Variants in EPS15L1 observed in about 807,000 individuals in gnomAD.
EPS15L1 encodes epidermal growth factor receptor substrate 15-like 1.
Under a neutral mutation model 117.1 loss-of-function variants are expected in EPS15L1, and 43 were observed. The observed-to-expected ratio is 0.37, with a 90% CI of 0.29 to 0.47. The LOEUF is 0.47. Among genes scored for constraint, EPS15L1 ranks in the 20% least tolerant of loss-of-function variants. The probability of loss-of-function intolerance (pLI) is 0.99; values close to 1 mark genes in which losing one functional copy is unlikely to be tolerated. For missense variants in EPS15L1, 981 were observed against 1,164.0 expected (o/e 0.84, Z 2.29); for synonymous variants, 459 against 470.5 (o/e 0.98, Z 0.32).
At chr19:16,382,850 G>C (rs2092378212) in intron 21 of EPS15L1, 2 of 152,088 alleles carry the variant, frequency 1.3e-5, no homozygotes, top group African/African-American at 4.8e-5. Context: ...GCTGTGGGCT[G>C]TGACTCTCCT....
intron 1 of EPS15L1, among the ~76,000 whole-genome samples, chr19:16,453,295 G>C (rs1286501626): frequency 1.3e-5 from 2 of 152,050 alleles, no homozygotes; most frequent in Non-Finnish European, 2.9e-5. Flanking sequence ...TGTAGAGACG[G>C]GGTCTTGCTT....
intron 1 of EPS15L1, among the ~76,000 whole-genome samples, chr19:16,454,020 C>G (rs1013681360): frequency 2.0e-5 from 3 of 152,158 alleles, no homozygotes; most frequent in African/African-American, 7.2e-5. Context: ...ACAATACAAA[C>G]TGGCATTCCT....
chr19:16,358,559 C>T (rs977324108), intron 23 of EPS15L1, among the ~76,000 whole-genome samples: 1 of 152,210 alleles, frequency 6.6e-6, no homozygotes, highest in Admixed American at 6.5e-5. Flanking sequence ...TGACACCACC[C>T]TAGCCGAGGC....
intron 22 of EPS15L1, among the ~76,000 whole-genome samples, chr19:16,368,631 A>C (rs2092173906): frequency 1.3e-5 from 2 of 151,774 alleles, no homozygotes; most frequent in Admixed American, 6.6e-5. Context: ...CCTACACAAC[A>C]CAGGCACCCA....
At chr19:16,444,439 G>A (rs1055611519) in intron 1 of EPS15L1, among the ~76,000 whole-genome samples, 4 of 152,212 alleles carry the variant, frequency 2.6e-5, no homozygotes, top group Non-Finnish European at 5.9e-5. Context: ...TTACAACCTC[G>A]TTAGATGACA....
chr19:16,377,165 C>T lies in EPS15L1; in HGVS notation c.2337G>A (p.Leu779=). ...PFKSKQDTPA[L]PPKKPAPPRP... ...GTGGAGGAGCAGGTTTCTTCGGAGG[C>T]AGAGCAGGAGTGTCCTGTTTACTTT... Residue 779 remains leucine, a synonymous_variant, in exon 22 of 24, where the codon CTG becomes CTA. Coordinates refer to ENST00000455140, the MANE Select transcript of EPS15L1 (RefSeq NM_001258374.3). 6.2e-7 allele frequency: 1 copy of T among 1,609,236 alleles called. No individual in the cohort carries two copies. The highest frequency in any genetic ancestry group is 8.5e-7 in the Non-Finnish European group (1 of 1,177,966).
At chr19:16,412,993 G>T in intron 13 of EPS15L1, 1 of 685,014 alleles carries the variant, frequency 1.5e-6, no homozygotes, top group Non-Finnish European at 2.7e-6. Flanking sequence ...TGCCTGGGGG[G>T]CTCTCTCAAG....
intron 22 of EPS15L1, among the ~76,000 whole-genome samples, chr19:16,367,769 A>C (rs1270918310): frequency 1.3e-5 from 2 of 151,104 alleles, no homozygotes; most frequent in Non-Finnish European, 2.9e-5. Flanking sequence ...AAAAAAAAAA[A>C]AAACCCAAAA....
At chr19:16,460,700 G>A (rs10423248) in intron 1 of EPS15L1, among the ~76,000 whole-genome samples, 21,105 of 152,162 alleles carry the variant, frequency 0.14, 1,514 homozygotes, top group African/African-American at 0.15. Context: ...GGGGTGCCGC[G>A]GGCACAGAGC....
chr19:16,406,043 G>T (rs1237647403), intron 13 of EPS15L1, among the ~76,000 whole-genome samples: 1 of 152,128 alleles, frequency 6.6e-6, no homozygotes, highest in Non-Finnish European at 1.5e-5. Flanking sequence ...AGAATGGAGA[G>T]GAGGGGTGGG....
chr19:16,417,000 T>C (rs953373870), intron 12 of EPS15L1, among the ~76,000 whole-genome samples: 3 of 152,110 alleles, frequency 2.0e-5, no homozygotes, highest in African/African-American at 7.2e-5. Flanking sequence ...AGCTGCTGGG[T>C]CCTAAGCCCG....
intron 6 of EPS15L1, among the ~76,000 whole-genome samples, chr19:16,436,435 A>C (rs2092979218): frequency 6.6e-6 from 1 of 152,186 alleles, no homozygotes; most frequent in South Asian, 2.1e-4. Context: ...CTGTTTTAAA[A>C]ATAACACTTC....
intron 22 of EPS15L1, among the ~76,000 whole-genome samples, chr19:16,376,829 G>A (rs906764541): frequency 1.3e-5 from 2 of 152,242 alleles, no homozygotes; most frequent in African/African-American, 2.4e-5. Context: ...GAGGCCGCAC[G>A]AAGCGCCCCC....
At position 16,404,268 on chromosome 19, in the gene EPS15L1, C is replaced by G. The variant is rs569501962; in HGVS notation, c.1428+320G>C. Among the ~76,000 whole-genome samples the G allele has an allele frequency of 3.3e-5, 5 of 152,300 alleles. No homozygotes were observed. The highest frequency in any genetic ancestry group is 3.3e-4 in the Admixed American group (5 of 15,304). Reference sequence around the variant, plus strand: ...AGCCTCCGGGATCTGTGAGGAGCCTCAGAGACACCTGAGGAGGGGACACAG... The same window carrying G: ...AGCCTCCGGGATCTGTGAGGAGCCTGAGAGACACCTGAGGAGGGGACACAG... On this transcript the variant is annotated intron_variant, in intron 14 of 23. Coordinates refer to ENST00000455140, the MANE Select transcript of EPS15L1 (RefSeq NM_001258374.3). The surrounding 1 kb of genome is among the most constrained non-coding windows in gnomAD (Gnocchi z 4.2).
In EPS15L1 at chr19:16,458,234, G is replaced by A. The variant is rs1174612939; in HGVS notation, c.33+13679C>T. ...TGTGGGTGACAGCGTCAGCCTCCTA[G>A]TGCACTGTTCTTTTTCTGGCCCCTC... On this transcript the variant is annotated intron_variant, in intron 1 of 23. Transcript: ENST00000455140. Among the ~76,000 whole-genome samples the A allele has an allele frequency of 2.0e-5, 3 of 152,114 alleles. No individual in the cohort carries two copies. The East Asian group carries it at 5.8e-4, about 29-fold the overall frequency.
At chr19:16,422,877 G>A (rs1235883071) in intron 9 of EPS15L1, among the ~76,000 whole-genome samples, 1 of 151,158 alleles carries the variant, frequency 6.6e-6, no homozygotes, top group Non-Finnish European at 1.5e-5. Context: ...AGAATTGCTT[G>A]AACCTGGGAG....
chr19:16,393,654 A>T (rs1046919086), intron 18 of EPS15L1, among the ~76,000 whole-genome samples: 47 of 150,100 alleles, frequency 3.1e-4, no homozygotes, highest in African/African-American at 1.1e-3. Flanking sequence ...GTCTCAAAAA[A>T]AAAAAAAATA....
chr19:16,419,371 A>C (rs1477771416), intron 10 of EPS15L1, among the ~76,000 whole-genome samples: 1 of 152,200 alleles, frequency 6.6e-6, no homozygotes, highest in Non-Finnish European at 1.5e-5. Context: ...AGGCACGAGA[A>C]TCACTTGAAC....
At chr19:16,417,051 A>G (rs1195123225) in intron 12 of EPS15L1, among the ~76,000 whole-genome samples, 2 of 152,218 alleles carry the variant, frequency 1.3e-5, no homozygotes, top group African/African-American at 4.8e-5. Flanking sequence ...GCTGTCAAGG[A>G]TAACAAGGCC....
Sources: allele counts gnomAD v4.1 joint callset (sites outside exome capture counted in the v4.1 genomes callset), GRCh38; gene constraint gnomAD v4.1.1; non-coding constraint Gnocchi (gnomAD v3.1); transcripts MANE v1.5; gene names NCBI Gene and HGNC (gene_info 2026-07-23, HGNC 2026-07-21).